TGFBRAP1: variants seen among roughly 807,000 people sequenced by gnomAD.
The protein encoded by TGFBRAP1 is transforming growth factor beta receptor associated protein 1.
Under a neutral mutation model 83.2 loss-of-function variants are expected in TGFBRAP1, and 20 were observed. The ratio of observed to expected loss-of-function variants is 0.24; its 90% confidence interval spans 0.17 to 0.35. TGFBRAP1 has a LOEUF of 0.35. TGFBRAP1 is among the 10% of genes least tolerant of loss of function. The pLI is 1.00. For missense variants in TGFBRAP1, 950 were observed against 1,099.4 expected (o/e 0.86, Z 1.92); for synonymous variants, 415 against 459.8 (o/e 0.90, Z 1.25).
chr2:105,307,678 C>G lies in TGFBRAP1; in HGVS notation c.624G>C (p.Glu208Asp). The G allele has an allele frequency of 1.9e-6, 3 of 1,614,148 alleles. No individual in the cohort carries two copies. Among genetic ancestry groups the G allele is most frequent in the Non-Finnish European group, 1.7e-6 (2 of 1,180,024 alleles). Residue 208 changes from glutamate (E) to aspartate (D), a missense_variant, in exon 2 of 12, where the codon GAG becomes GAC. Coordinates refer to ENST00000393359, the MANE Select transcript of TGFBRAP1 (RefSeq NM_004257.6). ...SQDLFPYCSEERPPIVKRIGR... is the reference protein window; with the variant it reads ...SQDLFPYCSEDRPPIVKRIGR... ...CTATCCTCTTGACGATCGGCGGCCT[C>G]TCCTCACTGCAGTAGGGAAACAGGT...
chr2:105,313,203 T>C (rs1678747663), intron 1 of TGFBRAP1, among the ~76,000 whole-genome samples: 1 of 152,256 alleles, frequency 6.6e-6, no homozygotes, highest in South Asian at 2.1e-4. Flanking sequence ...AATTCTGTTC[T>C]TTCCGGCTAC....
the TGFBRAP1 span, chr2:105,249,502 A>G: frequency 6.6e-6 from 1 of 152,204 alleles, no homozygotes; most frequent in African/African-American, 2.4e-5. Context: ...CAACACACAG[A>G]GTTCTACGTC....
At position 105,269,233 on chromosome 2, in the gene TGFBRAP1, T is replaced by C; in HGVS notation, c.2406+39A>G. 6.5e-7 allele frequency: 1 copy of C among 1,538,164 alleles called. No homozygotes were observed. Among genetic ancestry groups the C allele is most frequent in the Non-Finnish European group, 8.8e-7 (1 of 1,138,212 alleles). Reference sequence around the variant, plus strand: ...GTAAAATCTACCTTCAGTACAATGTTGACTGACCAGGAAGCAGCTCGTGGG... The same window carrying C: ...GTAAAATCTACCTTCAGTACAATGTCGACTGACCAGGAAGCAGCTCGTGGG... On this transcript the variant is annotated intron_variant, in intron 11 of 11. Transcript: ENST00000393359. The surrounding 1 kb of genome is among the most constrained non-coding windows in gnomAD (Gnocchi z 4.1).
intron 1 of TGFBRAP1, among the ~76,000 whole-genome samples, chr2:105,311,385 C>T (rs1020214441): frequency 8.0e-4 from 121 of 152,102 alleles, no homozygotes; most frequent in African/African-American, 2.8e-3. Context: ...CATGCTAGCA[C>T]TTAAAAATGA....
intron 1 of TGFBRAP1, among the ~76,000 whole-genome samples, chr2:105,316,680 T>C (rs1678893789): frequency 6.6e-6 from 1 of 151,778 alleles, no homozygotes; most frequent in South Asian, 2.1e-4. Context: ...TGGGCGTGGC[T>C]GTGCACACCT....
At chr2:105,292,231 G>T (rs1363987892) in intron 4 of TGFBRAP1, among the ~76,000 whole-genome samples, 1 of 152,200 alleles carries the variant, frequency 6.6e-6, no homozygotes, top group African/African-American at 2.4e-5. Flanking sequence ...ATAGCATGTG[G>T]AAGGCTCGAT....
chr2:105,314,295 G>C (rs1054361344), intron 1 of TGFBRAP1, among the ~76,000 whole-genome samples: 4 of 142,956 alleles, frequency 2.8e-5, no homozygotes, highest in Non-Finnish European at 4.5e-5. Flanking sequence ...CTGTCGCCCA[G>C]GCTGGAGTGC....
Position 105,272,751 on chromosome 2 carries a change from T to A in TGFBRAP1, c.1972+104A>T, listed in dbSNP as rs557930621. 1.9e-4 allele frequency: 271 copies of A among 1,428,748 alleles called. No homozygotes were observed. In the African/African-American group the frequency reaches 3.6e-3, roughly 19 times the overall value. 88.5% of individuals were successfully genotyped at this position (1,428,748 alleles called of 1,614,324 possible). ...AAAAAAGAGGCTCAAAGAATCACCC[T>A]GTGCAATCAACCAGCAGCTGTGCCA... On this transcript the variant is annotated intron_variant, in intron 10 of 11. Transcript: ENST00000393359.
chr2:105,285,826 C>T (rs1432735047), intron 4 of TGFBRAP1, among the ~76,000 whole-genome samples: 1 of 152,204 alleles, frequency 6.6e-6, no homozygotes, highest in South Asian at 2.1e-4. Context: ...CCTTTACCAT[C>T]AGTCTTTAAT....
intron 2 of TGFBRAP1, among the ~76,000 whole-genome samples, chr2:105,300,728 C>A (rs961566573): frequency 1.3e-5 from 2 of 152,096 alleles, no homozygotes; most frequent in Non-Finnish European, 2.9e-5. Flanking sequence ...TGAGCCACTG[C>A]GCCCAGCCTA....
At chr2:105,279,432 T>C (rs1677454554) in intron 6 of TGFBRAP1, among the ~76,000 whole-genome samples, 1 of 152,032 alleles carries the variant, frequency 6.6e-6, no homozygotes. Flanking sequence ...TAATTTCTTC[T>C]TAATTTTTAG....
At chr2:105,259,014 G>T in the TGFBRAP1 span, among the ~76,000 whole-genome samples, 21 of 152,342 alleles carry the variant, frequency 1.4e-4, no homozygotes, top group African/African-American at 4.8e-4. Flanking sequence ...ATGTTGAGTT[G>T]CATGAAATTA....
At position 105,273,600 on chromosome 2, in the gene TGFBRAP1, A is replaced by G; in HGVS notation, c.1756T>C (p.Tyr586His). ...PDDIINCLKKYPKALVKYLEH... is the reference protein window; with the variant it reads ...PDDIINCLKKHPKALVKYLEH... ...AGATACTTCACAAGGGCTTTAGGGT[A>G]TTTTTTAAGGCAATTGATAATGTCG... is the stretch of plus-strand genomic sequence containing the variant. Residue 586 changes from tyrosine (Y) to histidine (H), a missense_variant, in exon 9 of 12, where the codon TAC (tyrosine) becomes CAC (histidine). By Grantham distance (83) the Tyr-to-His change is moderately conservative (BLOSUM62 2). Transcript: ENST00000393359. The G allele has an allele frequency of 6.2e-7, 1 of 1,614,184 alleles. No individual in the cohort carries two copies. Among genetic ancestry groups the G allele is most frequent in the Non-Finnish European group, 8.5e-7 (1 of 1,180,034 alleles).
At chr2:105,327,651 A>C (rs1679261651) in intron 1 of TGFBRAP1, among the ~76,000 whole-genome samples, 1 of 152,210 alleles carries the variant, frequency 6.6e-6, no homozygotes, top group South Asian at 2.1e-4. Flanking sequence ...CTATGCTTTT[A>C]AAACTCCTCA....
the TGFBRAP1 span, among the ~76,000 whole-genome samples, chr2:105,254,055 A>C: frequency 2.0e-5 from 3 of 150,070 alleles, no homozygotes; most frequent in Non-Finnish European, 4.4e-5. Context: ...TTGGATATTC[A>C]AGGTTTTTTT....
intron 1 of TGFBRAP1, among the ~76,000 whole-genome samples, chr2:105,314,862 A>G (rs539050338): frequency 1.7e-3 from 254 of 151,320 alleles, no homozygotes; most frequent in Middle Eastern, 6.8e-3. Context: ...AGGCAGGAGA[A>G]TCGCTTGGAC....
chr2:105,267,357 C>T lies in TGFBRAP1; in HGVS notation c.*26G>A, dbSNP rs1346235273. ...GCAGGCTCAGAAAGAACTCGGAGTTCCCCTCGCACCCTTGGGCCAAGCTTT... is the reference window on the plus strand; with the variant it reads ...GCAGGCTCAGAAAGAACTCGGAGTTTCCCTCGCACCCTTGGGCCAAGCTTT... On this transcript the variant is annotated 3_prime_UTR_variant, in exon 12 of 12. Coordinates refer to ENST00000393359, the MANE Select transcript of TGFBRAP1 (RefSeq NM_004257.6). 1.2e-6 allele frequency: 2 copies of T among 1,611,150 alleles called. No homozygotes were observed. The highest frequency in any genetic ancestry group is 1.7e-5 in the Admixed American group (1 of 59,770).
At chr2:105,309,625 G>A (rs772316660) in intron 1 of TGFBRAP1, among the ~76,000 whole-genome samples, 4 of 152,190 alleles carry the variant, frequency 2.6e-5, no homozygotes, top group Non-Finnish European at 5.9e-5. Context: ...CTACACACAA[G>A]TGAGACTCCA....
At chr2:105,291,389 G>T (rs1272954460) in intron 4 of TGFBRAP1, among the ~76,000 whole-genome samples, 3 of 152,180 alleles carry the variant, frequency 2.0e-5, no homozygotes, top group African/African-American at 7.2e-5. Flanking sequence ...CCAGTTTACA[G>T]TATTCTGTTC....
Sources: allele counts gnomAD v4.1 joint callset (sites outside exome capture counted in the v4.1 genomes callset), GRCh38; gene constraint gnomAD v4.1.1; non-coding constraint Gnocchi (gnomAD v3.1); transcripts MANE v1.5; gene names NCBI Gene and HGNC (gene_info 2026-07-23, HGNC 2026-07-21).